RETREG1: variants seen among roughly 807,000 people sequenced by gnomAD.
RETREG1 encodes reticulophagy regulator 1.
RETREG1 carries 44 observed loss-of-function variants against 54.8 expected under a neutral mutation model. That is an observed-to-expected ratio of 0.80 (90% CI 0.63 to 1.03). The LOEUF is 1.03. Among genes scored for constraint, RETREG1 ranks in the 50% least tolerant of loss-of-function variants. The probability of loss-of-function intolerance (pLI) is 0.00; values close to 1 mark genes in which losing one functional copy is unlikely to be tolerated. For missense variants in RETREG1, 554 were observed against 605.1 expected (o/e 0.92, Z 0.89); for synonymous variants, 217 against 238.5 (o/e 0.91, Z 0.83).
intron 3 of RETREG1, among the ~76,000 whole-genome samples, chr5:16,528,698 G>A (rs756900762): frequency 1.3e-5 from 2 of 152,160 alleles, no homozygotes; most frequent in Admixed American, 6.5e-5. Context: ...TGAACACTAT[G>A]CCTCCTTCAA....
At chr5:16,531,273 T>C (rs1222978715) in intron 3 of RETREG1, among the ~76,000 whole-genome samples, 1 of 152,216 alleles carries the variant, frequency 6.6e-6, no homozygotes, top group African/African-American at 2.4e-5. Flanking sequence ...AGCTCATAAA[T>C]GGCTGAGCCA....
chr5:16,475,353 C>G, intron 8 of RETREG1, 119 bp from the exon 9 acceptor site: 1 of 1,088,748 alleles, frequency 9.2e-7, no homozygotes, highest in Non-Finnish European at 1.4e-6. Flanking sequence ...ATTCATCTAG[C>G]CTCCTGGGTC....
At chr5:16,538,851 C>T (rs1326202658) in intron 3 of RETREG1, among the ~76,000 whole-genome samples, 1 of 152,134 alleles carries the variant, frequency 6.6e-6, no homozygotes, top group Non-Finnish European at 1.5e-5. Context: ...ACTACAGGCG[C>T]CTGCCACAAT....
intron 3 of RETREG1, among the ~76,000 whole-genome samples, chr5:16,514,603 T>C (rs1465368913): frequency 1.3e-5 from 2 of 152,074 alleles, no homozygotes; most frequent in African/African-American, 2.4e-5. Context: ...TCTTTAGTGG[T>C]GATTTCTGAG....
Position 16,616,941 on chromosome 5 carries a change from C to T in RETREG1, c.31G>A (p.Glu11Lys), listed in dbSNP as rs1352810971. 6 of 1,457,772 alleles carry T rather than the reference C, an allele frequency of 4.1e-6. No homozygotes were observed. In the Admixed American group the frequency reaches 1.2e-4, roughly 30 times the overall value. 90.3% of individuals were successfully genotyped at this position (1,457,772 alleles called of 1,614,324 possible). ...GCGGCAGGAGCCGGGCATCCCTCCT[C>T]GGCGTGCTCCGGAGGCGCCGGGCTC... MASPAPPEHA[E>K]EGCPAPAAEE... is the part of the protein sequence containing the mutation. The change falls in exon 1 of 9, where the codon GAG becomes AAG. Residue 11 changes from glutamate to lysine, a missense_variant. Coordinates refer to ENST00000306320, the MANE Select transcript of RETREG1 (RefSeq NM_001034850.3).
chr5:16,494,914 T>G (rs1404595377), intron 3 of RETREG1, among the ~76,000 whole-genome samples: 4 of 152,168 alleles, frequency 2.6e-5, no homozygotes, highest in Non-Finnish European at 4.4e-5. Context: ...TCCTAGAGAC[T>G]TGAATGGTGG....
At chr5:16,538,768 G>A (rs552672046) in intron 3 of RETREG1, among the ~76,000 whole-genome samples, 3 of 151,336 alleles carry the variant, frequency 2.0e-5, no homozygotes, top group African/African-American at 7.3e-5. Context: ...GCAGTGGCAC[G>A]ATCTCGGCTC....
At position 16,474,701 on chromosome 5, in the gene RETREG1, T is replaced by TTTTGTTTTTTTTG; in HGVS notation, c.*39_*40insCAAAAAAAACAAA. 6.3e-7 allele frequency: 1 copy of TTTTGTTTTTTTTG among 1,576,514 alleles called. No individual in the cohort carries two copies. The highest frequency in any genetic ancestry group is 1.2e-5 in the South Asian group (1 of 83,690). ...TTTTTTTTTTCTTGTTTGAAATTTT[T>TTTTGTTTTTTTTG]TTGGTGTTTTTTGTGCTCTGTTGCA... is the stretch of plus-strand genomic sequence containing the variant. On this transcript the variant is annotated 3_prime_UTR_variant, in exon 9 of 9. Transcript: ENST00000306320.
At chr5:16,570,765 G>A (rs395416) in intron 2 of RETREG1, among the ~76,000 whole-genome samples, 54,346 of 152,070 alleles carry the variant, frequency 0.36, 10,621 homozygotes, top group Non-Finnish European at 0.44. Context: ...GCCTGGATAC[G>A]TGTGTGGTAA....
At chr5:16,610,594 G>A (rs914265088) in intron 1 of RETREG1, among the ~76,000 whole-genome samples, 16 of 152,190 alleles carry the variant, frequency 1.1e-4, no homozygotes, top group Admixed American at 6.5e-4. Flanking sequence ...AAAAGTGGGC[G>A]AAGGATATGA....
chr5:16,574,945 C>A (rs896759609), intron 1 of RETREG1, among the ~76,000 whole-genome samples: 1 of 152,172 alleles, frequency 6.6e-6, no homozygotes, highest in Admixed American at 6.5e-5. Flanking sequence ...ACCACTTGCT[C>A]TATTTTTGTA....
intron 3 of RETREG1, among the ~76,000 whole-genome samples, chr5:16,538,385 C>T (rs1344386814): frequency 7.2e-5 from 11 of 152,138 alleles, no homozygotes; most frequent in Non-Finnish European, 1.6e-4. Context: ...TTTGACTTCT[C>T]AAACAAAATG....
At chr5:16,602,243 G>A (rs6876974) in intron 1 of RETREG1, among the ~76,000 whole-genome samples, 6,016 of 152,150 alleles carry the variant, frequency 0.04, 402 homozygotes, top group African/African-American at 0.14. Flanking sequence ...GAAGAAATGG[G>A]GGCCTCCCCA....
At chr5:16,558,669 C>T (rs1262924614) in intron 3 of RETREG1, among the ~76,000 whole-genome samples, 1 of 152,192 alleles carries the variant, frequency 6.6e-6, no homozygotes, top group Non-Finnish European at 1.5e-5. Context: ...TTATAAAGTG[C>T]AAGTTACAAG....
rs202223040 is a variant in RETREG1, at chr5:16,555,363, G to A, written c.458+10400C>T. Among the ~76,000 whole-genome samples, 18 of 152,252 alleles carry A rather than the reference G, an allele frequency of 1.2e-4. No individual in the cohort carries two copies. In the East Asian group the frequency reaches 3.3e-3, roughly 28 times the overall value. On this transcript the variant is annotated intron_variant, in intron 3 of 8. Transcript: ENST00000306320. ...GACGGGGTTTCACCATGTTGGCCAG[G>A]CTGGTCTCAAATTCCTGAGCTCAGG...
At position 16,616,836 on chromosome 5, in the gene RETREG1, C is replaced by G. The variant is rs1425607082; in HGVS notation, c.136G>C (p.Glu46Gln). 6.6e-7 allele frequency: 1 copy of G among 1,514,486 alleles called. No homozygotes were observed. The highest frequency in any genetic ancestry group is 2.0e-5 in the Admixed American group (1 of 49,136). The allele number at this position is 1,514,486 out of a possible 1,614,324, so 93.8% of individuals were successfully genotyped here. The change falls in exon 1 of 9, where the codon GAA (glutamate) becomes CAA (glutamine). Residue 46 changes from glutamate to glutamine, a missense_variant. This residue lies in a region of RETREG1 where 175 missense variants were observed against 142.1 expected (regional missense o/e 1.23). Coordinates refer to ENST00000306320, the MANE Select transcript of RETREG1 (RefSeq NM_001034850.3). ...CCCGCGCCCTCCGCCGCCCCAGCTT[C>G]CTGCGCTTCCTCCTCCTGCTGCTGC... The part of the protein sequence containing the change: ...ERQQQEEEAQ[E>Q]AGAAEGAGLQ...
chr5:16,538,420 C>T (rs990906321), intron 3 of RETREG1, among the ~76,000 whole-genome samples: 1 of 152,150 alleles, frequency 6.6e-6, no homozygotes, highest in Non-Finnish European at 1.5e-5. Flanking sequence ...TAATGATGAT[C>T]GCTAAAGTGA....
intron 3 of RETREG1, among the ~76,000 whole-genome samples, chr5:16,495,056 T>C (rs907183737): frequency 1.3e-5 from 2 of 152,186 alleles, no homozygotes; most frequent in African/African-American, 4.8e-5. Flanking sequence ...ACTGGCTGCA[T>C]TGTGCCCCTG....
chr5:16,588,756 T>C (rs1742681907), intron 1 of RETREG1, among the ~76,000 whole-genome samples: 1 of 152,256 alleles, frequency 6.6e-6, no homozygotes. Context: ...GAGGCCACAG[T>C]ATCCTGGTAT....
Sources: allele counts gnomAD v4.1 joint callset (sites outside exome capture counted in the v4.1 genomes callset), GRCh38; gene constraint gnomAD v4.1.1; regional missense constraint gnomAD v4.1.1; transcripts MANE v1.5; gene names NCBI Gene and HGNC (gene_info 2026-07-23, HGNC 2026-07-21).